Variants in ANGPT1 observed in about 807,000 individuals in gnomAD.
The protein encoded by ANGPT1 is angiopoietin 1.
A neutral mutation model predicts 62.2 loss-of-function variants in ANGPT1; 17 were observed. The ratio of observed to expected loss-of-function variants is 0.27; its 90% CI spans 0.19 to 0.41. The LOEUF is 0.41. Among genes scored for constraint, ANGPT1 ranks in the 10% least tolerant of loss-of-function variants. The pLI, the probability that ANGPT1 is intolerant of heterozygous loss-of-function variation, is 1.00. For synonymous variants in ANGPT1, 199 were observed against 198.9 expected (o/e 1.00, Z 0.00); for missense variants, 478 against 594.9 (o/e 0.80, Z 2.04).
chr8:107,268,786 G>C (rs1813673368), intron 7 of ANGPT1, among the ~76,000 whole-genome samples: 1 of 151,786 alleles, frequency 6.6e-6, no homozygotes, highest in Admixed American at 6.6e-5. Context: ...ACATAAAGCA[G>C]AAGTAGAGAG....
rs1409620238 is a variant in ANGPT1, at chr8:107,497,699, C to A, written c.-141G>T. 3.3e-6 allele frequency: 3 copies of A among 903,342 alleles called. No individual in the cohort carries two copies. The highest frequency in any genetic ancestry group is 4.8e-6 in the Non-Finnish European group (3 of 620,724). 56.0% of individuals were successfully genotyped at this position (903,342 alleles called of 1,614,324 possible). On this transcript the variant is annotated 5_prime_UTR_variant, in exon 1 of 9. An upstream start codon of the reference 5' UTR is lost. Coordinates refer to ENST00000517746, the MANE Select transcript of ANGPT1 (RefSeq NM_001146.5). Reference sequence around the variant, plus strand: ...TCAAAGAAAGCGTTTGAAGAAGAATCATAGAAAACTAGCCATTTGTTAGCT... The same window carrying A: ...TCAAAGAAAGCGTTTGAAGAAGAATAATAGAAAACTAGCCATTTGTTAGCT...
At chr8:107,359,972 C>T (rs1816125189) in intron 1 of ANGPT1, among the ~76,000 whole-genome samples, 1 of 152,064 alleles carries the variant, frequency 6.6e-6, no homozygotes, top group South Asian at 2.1e-4. Context: ...TAGTAGGAAA[C>T]TTACAAACAT....
intron 8 of ANGPT1, among the ~76,000 whole-genome samples, chr8:107,261,421 T>C (rs1813487474): frequency 6.6e-6 from 1 of 152,070 alleles, no homozygotes. Flanking sequence ...GAAAAGAACA[T>C]GAAGCCGGGC....
At chr8:107,452,074 G>A (rs772787602) in intron 1 of ANGPT1, among the ~76,000 whole-genome samples, 27 of 151,450 alleles carry the variant, frequency 1.8e-4, no homozygotes, top group African/African-American at 3.4e-4. Flanking sequence ...CACAAGTTCC[G>A]TATAGAATGA....
chr8:107,446,916 T>C (rs2130444940), intron 1 of ANGPT1, among the ~76,000 whole-genome samples: 1 of 152,278 alleles, frequency 6.6e-6, no homozygotes, highest in East Asian at 1.9e-4. Flanking sequence ...TAACGAAAAC[T>C]CAGCTTCCAA....
At chr8:107,357,253 A>G (rs1816066205) in intron 1 of ANGPT1, among the ~76,000 whole-genome samples, 1 of 152,196 alleles carries the variant, frequency 6.6e-6, no homozygotes, top group East Asian at 1.9e-4. Context: ...CTTTTTCCCA[A>G]ATTCTAAAAT....
At chr8:107,370,290 AGGAAAGAAG>A (rs1816362766) in intron 1 of ANGPT1, among the ~76,000 whole-genome samples, 1 of 87,506 alleles carries the variant, frequency 1.1e-5, no homozygotes, top group Non-Finnish European at 2.6e-5. Flanking sequence ...AAGAAAGAAA[AGGAAAGAAG>A]AAAGAAAGAA....
At chr8:107,491,908 T>G (rs1812968210) in intron 1 of ANGPT1, among the ~76,000 whole-genome samples, 1 of 152,076 alleles carries the variant, frequency 6.6e-6, no homozygotes, top group African/African-American at 2.4e-5. Flanking sequence ...CAGTCAGGGG[T>G]AAGGAAGAAC....
At chr8:107,443,657 A>T (rs1811535686) in intron 1 of ANGPT1, among the ~76,000 whole-genome samples, 1 of 151,468 alleles carries the variant, frequency 6.6e-6, no homozygotes, top group Admixed American at 6.6e-5. Context: ...AAAAAAAAAA[A>T]AAAAATACAA....
chr8:107,437,652 G>C (rs754719848), intron 1 of ANGPT1, among the ~76,000 whole-genome samples: 57 of 152,118 alleles, frequency 3.7e-4, no homozygotes, highest in Middle Eastern at 3.4e-3. Context: ...ACTTAACCAG[G>C]CTCTATTAAA....
chr8:107,427,999 G>A (rs542881395), intron 1 of ANGPT1, among the ~76,000 whole-genome samples: 9 of 152,224 alleles, frequency 5.9e-5, no homozygotes, highest in South Asian at 4.2e-4. Flanking sequence ...GGATCCCTGC[G>A]TTACAAATTG....
chr8:107,347,670 CA>C (rs945011214), intron 1 of ANGPT1, among the ~76,000 whole-genome samples: 4 of 152,040 alleles, frequency 2.6e-5, no homozygotes, highest in Non-Finnish European at 5.9e-5. Context: ...ATGTCCAAAA[CA>C]AAAACCTTTA....
chr8:107,313,373 C>A (rs1370231432), intron 4 of ANGPT1, among the ~76,000 whole-genome samples: 2 of 143,710 alleles, frequency 1.4e-5, no homozygotes, highest in South Asian at 2.2e-4. Context: ...ATGTTGATAT[C>A]CTTTGGTTGA....
Position 107,486,032 on chromosome 8 carries a change from A to G in ANGPT1, c.297+11230T>C, listed in dbSNP as rs147865136. On this transcript the variant is annotated intron_variant, in intron 1 of 8. Coordinates refer to ENST00000517746, the MANE Select transcript of ANGPT1 (RefSeq NM_001146.5). Reference sequence around the variant, plus strand: ...TGAGAGAATCAGCTATTGTGCTTCAATCAGCAACAGAGCCTACAGTGCCAC... The same window carrying G: ...TGAGAGAATCAGCTATTGTGCTTCAGTCAGCAACAGAGCCTACAGTGCCAC... Among the ~76,000 whole-genome samples the G allele has an allele frequency of 4.1e-4, 63 of 152,326 alleles. No homozygotes were observed. The East Asian group carries it at 0.01, about 25-fold the overall frequency.
chr8:107,412,748 G>A (rs1810621490), intron 1 of ANGPT1, among the ~76,000 whole-genome samples: 1 of 152,086 alleles, frequency 6.6e-6, no homozygotes, highest in African/African-American at 2.4e-5. Flanking sequence ...GATGAGTGTT[G>A]TGTTGCTGGG....
At chr8:107,384,287 C>A (rs1399885358) in intron 1 of ANGPT1, among the ~76,000 whole-genome samples, 2 of 152,058 alleles carry the variant, frequency 1.3e-5, no homozygotes, top group Non-Finnish European at 2.9e-5. Flanking sequence ...AATATACATA[C>A]AGGATTAAGA....
intron 3 of ANGPT1, among the ~76,000 whole-genome samples, chr8:107,326,890 A>G (rs1363580704): frequency 6.6e-6 from 1 of 152,128 alleles, no homozygotes; most frequent in African/African-American, 2.4e-5. Flanking sequence ...TTAGACTGGA[A>G]ATCTACTCAA....
intron 1 of ANGPT1, among the ~76,000 whole-genome samples, chr8:107,447,941 T>C (rs1034188057): frequency 1.3e-5 from 2 of 152,238 alleles, no homozygotes; most frequent in Non-Finnish European, 2.9e-5. Flanking sequence ...TGAATTTGAA[T>C]GTCTGTTTCT....
intron 7 of ANGPT1, among the ~76,000 whole-genome samples, chr8:107,275,574 G>T (rs573582636): frequency 1.3e-5 from 2 of 152,120 alleles, no homozygotes; most frequent in East Asian, 3.8e-4. Flanking sequence ...GTAATTGCCT[G>T]TTTGGCTGTC....
Sources: gnomAD v4.1 joint callset for allele counts (sites outside exome capture counted in the v4.1 genomes callset) on GRCh38, gnomAD v4.1.1 for gene constraint, MANE v1.5 for transcripts, NCBI Gene and HGNC (gene_info 2026-07-23, HGNC 2026-07-21) for gene names.